Variants in CARMIL3 observed in about 807,000 individuals in gnomAD.
The protein encoded by CARMIL3 is capping protein regulator and myosin 1 linker 3.
CARMIL3 carries 88 observed loss-of-function variants against 180.8 expected under a neutral mutation model. The ratio of observed to expected loss-of-function variants is 0.49; its 90% CI spans 0.41 to 0.58. The LOEUF (loss-of-function observed/expected upper bound fraction) is 0.58. Among genes scored for constraint, CARMIL3 ranks in the 20% least tolerant of loss-of-function variants. The pLI is 0.00. For missense variants in CARMIL3, 1,548 were observed against 1,787.0 expected (o/e 0.87, Z 2.41); for synonymous variants, 696 against 714.5 (o/e 0.97, Z 0.41).
rs2138698767 is a variant in CARMIL3 at position 24,054,335 on chromosome 14, C to T, written c.246+34C>T. ...CAGGGCTTTGGGCCCCACTACTGGG[C>T]CAGCTGGAGGAGGGAGCAGAGAGGA... is the stretch of plus-strand genomic sequence containing the variant. On this transcript the variant is annotated intron_variant, in intron 4 of 39. Coordinates refer to ENST00000342740, the MANE Select transcript of CARMIL3 (RefSeq NM_138360.4). The surrounding 1 kb of genome is among the most constrained non-coding windows in gnomAD (Gnocchi z 5.1). The T allele has an allele frequency of 5.0e-6, 8 of 1,614,020 alleles. No individual in the cohort carries two copies. The East Asian group carries it at 6.7e-5, about 13-fold the overall frequency.
At position 24,055,777 on chromosome 14, in the gene CARMIL3, C is replaced by T. The variant is rs2035666058; in HGVS notation, c.758C>T (p.Ala253Val). The T allele has an allele frequency of 1.9e-6, 3 of 1,613,926 alleles. No homozygotes were observed. The highest frequency in any genetic ancestry group is 1.3e-5 in the African/African-American group (1 of 74,904). ...CTCGAAGAGCTGGTGCTGGACAACG[C>T]CGGGCTTAAGACGTGAGGCCAGTCT... is the stretch of plus-strand genomic sequence containing the variant. ...GSLEELVLDN[A>V]GLKTDFVQKL... The change falls in exon 10 of 40, where the codon GCC becomes GTC. Residue 253 changes from alanine to valine, a missense_variant. By Grantham distance (64) the Ala-to-Val change is moderately conservative (BLOSUM62 0). This residue lies in a region of CARMIL3 where 578 missense variants were observed against 666.5 expected (regional missense o/e 0.87). Transcript: ENST00000342740.
intron 8 of CARMIL3, 63 bp downstream of exon 8, chr14:24,055,373 C>A: frequency 6.4e-7 from 1 of 1,568,402 alleles, no homozygotes; most frequent in South Asian, 1.1e-5. Context: ...CCCAGCCCTT[C>A]CCAGGAGTGC....
intron 24 of CARMIL3, 59 bp from the exon 25 acceptor site, chr14:24,060,569 C>G: frequency 6.3e-7 from 1 of 1,595,856 alleles, no homozygotes; most frequent in Admixed American, 1.7e-5. Flanking sequence ...TCTAAGGGGT[C>G]CTACCTGCGA....
chr14:24,062,727 C>A lies in CARMIL3; in HGVS notation c.2587C>A (p.Leu863Ile). ...HKSLARHLTQ[L>I]RTLSDPPGCP... ...TCCCCAGGCCCGGCACCTGACCCAG[C>A]TAAGGACGCTGTCAGATCCACCAGG... The change falls in exon 29 of 40, where the codon CTA becomes ATA. Residue 863 changes from leucine to isoleucine, a missense_variant. This residue lies in a region of CARMIL3 where 668 missense variants were observed against 687.8 expected (regional missense o/e 0.97). Coordinates refer to ENST00000342740, the MANE Select transcript of CARMIL3 (RefSeq NM_138360.4). The A allele has an allele frequency of 6.2e-7, 1 of 1,611,194 alleles. No homozygotes were observed. The highest frequency in any genetic ancestry group is 1.7e-5 in the Admixed American group (1 of 59,794).
intron 10 of CARMIL3, 29 bp from the exon 11 acceptor site, chr14:24,056,270 G>C: frequency 6.3e-7 from 1 of 1,597,692 alleles, no homozygotes; most frequent in Non-Finnish European, 8.6e-7. Context: ...GCTCAGCTCA[G>C]GACAAATCCT....
Position 24,068,802 on chromosome 14 carries a change from T to C in CARMIL3, c.3818T>C (p.Leu1273Pro), listed in dbSNP as rs769024098. The change falls in exon 38 of 40, where the codon CTA becomes CCA. Residue 1273 changes from leucine to proline, a missense_variant. Physicochemically the swap from Leu to Pro is moderately conservative, Grantham distance 98 (BLOSUM62 -3). Around this residue, in one of 4 missense-constraint regions of CARMIL3, gnomAD observed 668 missense variants for 687.8 expected, o/e 0.97. Coordinates refer to ENST00000342740, the MANE Select transcript of CARMIL3 (RefSeq NM_138360.4). ...CTCTGCCAGCTACAGGACCCCGCTC[T>C]AGCTCCATGGCCTCCCAAGCCAGTG... ...ARNAKLQDPA[L>P]APWPPKPVAV... 1.2e-6 allele frequency: 2 copies of C among 1,614,030 alleles called. No homozygotes were observed. The highest frequency in any genetic ancestry group is 4.5e-5 in the East Asian group (2 of 44,882).
chr14:24,052,466 T>A (rs954052580), intron 1 of CARMIL3, among the ~76,000 whole-genome samples: 2 of 152,180 alleles, frequency 1.3e-5, no homozygotes, highest in Non-Finnish European at 2.9e-5. Context: ...TCCCTGGGGC[T>A]GACTCTCGGC....
intron 36 of CARMIL3, 87 bp downstream of exon 36, chr14:24,066,743 A>G: frequency 2.9e-6 from 4 of 1,380,744 alleles, no homozygotes; most frequent in Non-Finnish European, 4.0e-6. Context: ...GTGCTGGGGA[A>G]TTTATGGCCA....
rs537041697 is a variant in CARMIL3, at chr14:24,057,736, G to A, written c.1141-67G>A. 1.6e-5 allele frequency: 22 copies of A among 1,371,248 alleles called. No homozygotes were observed. In the African/African-American group the frequency reaches 2.7e-4, roughly 17 times the overall value. 84.9% of individuals were successfully genotyped at this position (1,371,248 alleles called of 1,614,324 possible). On this transcript the variant is annotated intron_variant, in intron 14 of 39. Coordinates refer to ENST00000342740, the MANE Select transcript of CARMIL3 (RefSeq NM_138360.4). ...AGGAACCTCGATGGGGAGGGAGGGGGAGTCCTTTCCTGCCACCCCCTACCC... is the reference window on the plus strand; with the variant it reads ...AGGAACCTCGATGGGGAGGGAGGGGAAGTCCTTTCCTGCCACCCCCTACCC...
In CARMIL3 at chr14:24,061,248, T is replaced by A. The variant is rs2035730209; in HGVS notation, c.2304+208T>A. Reference sequence around the variant, plus strand: ...CTAGCTTTGATGTTGGTCCCTGAACTCTGACCTCCCTGCTCTGGATTTGGA... The same window carrying A: ...CTAGCTTTGATGTTGGTCCCTGAACACTGACCTCCCTGCTCTGGATTTGGA... On this transcript the variant is annotated intron_variant, in intron 26 of 39. Transcript: ENST00000342740. The surrounding 1 kb of genome is among the most constrained non-coding windows in gnomAD (Gnocchi z 4.1). 1 of 630,368 alleles carries A rather than the reference T, an allele frequency of 1.6e-6. No individual in the cohort carries two copies. Among genetic ancestry groups the A allele is most frequent in the African/African-American group, 1.8e-5 (1 of 54,386 alleles). 39.0% of individuals were successfully genotyped at this position (630,368 alleles called of 1,614,324 possible).
chr14:24,067,177 C>T (rs1225521986), intron 36 of CARMIL3, among the ~76,000 whole-genome samples: 2 of 152,248 alleles, frequency 1.3e-5, no homozygotes, highest in Non-Finnish European at 2.9e-5. Context: ...TAGTCCTTCT[C>T]AGCCACCCGC....
intron 31 of CARMIL3, 135 bp from the exon 32 acceptor site, chr14:24,064,111 A>G (rs2035760861): frequency 1.6e-5 from 6 of 378,890 alleles, no homozygotes; most frequent in Middle Eastern, 8.9e-4. Flanking sequence ...AAAAAAAAAA[A>G]GAAAAAGAAA....
In CARMIL3 at chr14:24,058,419, C is replaced by T. The variant is rs1283635579; in HGVS notation, c.1392+195C>T. On this transcript the variant is annotated intron_variant, in intron 17 of 39. Transcript: ENST00000342740. This position sits in a 1 kb window ranked among gnomAD's most constrained non-coding sequence, Gnocchi z 6.4. ...CATTCTCAGTCTCTAGTATCTCTGC[C>T]CTTAAAGCTTTGGGGTGGGAGATAC... 4.6e-5 allele frequency among the ~76,000 whole-genome samples: 7 copies of T among 152,126 alleles called. No homozygotes were observed. In the East Asian group the frequency reaches 9.6e-4, roughly 21 times the overall value.
chr14:24,057,382 C>A, intron 14 of CARMIL3, 138 bp downstream of exon 14: 1 of 781,372 alleles, frequency 1.3e-6, no homozygotes, highest in Non-Finnish European at 2.2e-6. Context: ...AAGTATAAAG[C>A]AATGTCCATA....
At position 24,056,921 on chromosome 14, in the gene CARMIL3, A is replaced by G. The variant is rs764301544; in HGVS notation, c.959A>G (p.Gln320Arg). The G allele has an allele frequency of 6.2e-7, 1 of 1,613,982 alleles. No homozygotes were observed. Among genetic ancestry groups the G allele is most frequent in the South Asian group, 1.1e-5 (1 of 91,070 alleles). Residue 320 changes from glutamine (Q) to arginine (R), a missense_variant, in exon 13 of 40, where the codon CAG (glutamine) becomes CGG (arginine). Physicochemically the swap from Gln to Arg is conservative, Grantham distance 43. This residue lies in a region of CARMIL3 where 578 missense variants were observed against 666.5 expected (regional missense o/e 0.87). Transcript: ENST00000342740. Reference sequence around the variant, plus strand: ...CAGTGCCCGCTGTGCTCAGGGCTCCAGGCACTCGGCCAGACCTTCGGGGCA... The same window carrying G: ...CAGTGCCCGCTGTGCTCAGGGCTCCGGGCACTCGGCCAGACCTTCGGGGCA... ...AKTAISPRGL[Q>R]ALGQTFGANP...
chr14:24,054,468 C>A lies in CARMIL3; in HGVS notation c.319C>A (p.Arg107=). 6.8e-6 allele frequency: 11 copies of A among 1,614,110 alleles called. No homozygotes were observed. The highest frequency in any genetic ancestry group is 9.3e-6 in the Non-Finnish European group (11 of 1,180,030). ...PSAESVDQVT[R]HVSSALSKVC... ...AGCTGAAAGTGTGGACCAGGTGACA[C>A]GACATGTGAGCTCTGCCCTGTCCAA... is the stretch of plus-strand genomic sequence containing the variant. The change falls in exon 5 of 40, where the codon CGA becomes AGA. Residue 107 remains arginine, a synonymous_variant. Transcript: ENST00000342740. This position sits in a 1 kb window ranked among gnomAD's most constrained non-coding sequence, Gnocchi z 5.1.
intron 36 of CARMIL3, among the ~76,000 whole-genome samples, chr14:24,067,779 AAC>A (rs1352234636): frequency 6.6e-6 from 1 of 152,394 alleles, no homozygotes; most frequent in East Asian, 1.9e-4. Flanking sequence ...ACATGCAGAC[AAC>A]ACTTTCCAGT....
intron 15 of CARMIL3, 25 bp from the exon 16 acceptor site, chr14:24,057,935 G>A (rs201540853): frequency 1.1e-5 from 17 of 1,613,024 alleles, no homozygotes; most frequent in Middle Eastern, 3.3e-4. Context: ...CCCCTCCCTC[G>A]CTGACCCCAG....
intron 36 of CARMIL3, among the ~76,000 whole-genome samples, chr14:24,068,302 CAGG>C (rs1037716720): frequency 6.6e-6 from 1 of 150,892 alleles, no homozygotes. Context: ...GAGGCTGAGA[CAGG>C]AGAATCGCTC....
Sources: gnomAD v4.1 joint callset for allele counts (sites outside exome capture counted in the v4.1 genomes callset) on GRCh38, gnomAD v4.1.1 for gene constraint, gnomAD v4.1.1 regional missense constraint, Gnocchi (gnomAD v3.1) non-coding constraint, MANE v1.5 for transcripts, NCBI Gene and HGNC (gene_info 2026-07-23, HGNC 2026-07-21) for gene names.